Variants in CENPE observed in about 807,000 individuals in gnomAD.
CENPE encodes centromere-associated protein E.
Under a neutral mutation model 336.1 loss-of-function variants are expected in CENPE, and 145 were observed. The ratio of observed to expected loss-of-function variants is 0.43; its 90% CI spans 0.38 to 0.50. The LOEUF (loss-of-function observed/expected upper bound fraction) is 0.50. Among genes scored for constraint, CENPE ranks in the 20% least tolerant of loss-of-function variants. The pLI is 0.00. For synonymous variants in CENPE, 1,013 were observed against 984.8 expected (o/e 1.03, Z -0.54); for missense variants, 2,719 against 3,023.3 (o/e 0.90, Z 2.36).
intron 48 of CENPE, 34 bp downstream of exon 48, chr4:103,108,769 C>T: frequency 6.3e-7 from 1 of 1,583,402 alleles, no homozygotes; most frequent in Non-Finnish European, 8.6e-7. Flanking sequence ...AACTGTTACC[C>T]TCTGATTTCC....
At chr4:103,172,676 G>C (rs1001827003) in intron 16 of CENPE, among the ~76,000 whole-genome samples, 2 of 151,928 alleles carry the variant, frequency 1.3e-5, no homozygotes, top group Non-Finnish European at 2.9e-5. Context: ...TAGATGATAT[G>C]ATCCTATATA....
intron 46 of CENPE, among the ~76,000 whole-genome samples, chr4:103,112,523 C>T (rs1252570115): frequency 7.0e-6 from 1 of 142,080 alleles, no homozygotes; most frequent in East Asian, 2.0e-4. Context: ...TACACATATA[C>T]ATATACATAT....
chr4:103,132,186 T>C (rs73837644), intron 42 of CENPE, among the ~76,000 whole-genome samples: 6,637 of 152,084 alleles, frequency 0.044, 472 homozygotes, highest in African/African-American at 0.15. Flanking sequence ...ATAGGGGAGA[T>C]TGTGTTTGTG....
chr4:103,163,752 C>T (rs1205713237), intron 16 of CENPE, among the ~76,000 whole-genome samples, 199 bp from the exon 17 acceptor site: 1 of 149,534 alleles, frequency 6.7e-6, no homozygotes, highest in Non-Finnish European at 1.5e-5. Flanking sequence ...GAAATATCAC[C>T]CAAAACATAT....
rs1750131912 is a variant in CENPE, at chr4:103,116,603, C to T, written c.7416G>A (p.Met2472Ile). The change falls in exon 45 of 49, where the codon ATG (methionine) becomes ATA (isoleucine). Residue 2472 changes from methionine (M) to isoleucine (I), a missense_variant. Met to Ile is a conservative substitution (Grantham distance 10, BLOSUM62 1). Coordinates refer to ENST00000265148, the MANE Select transcript of CENPE (RefSeq NM_001813.3). ...MKLVKIDLEK[M>I]KNAKEFEKEI... ...CCTTTTCAAATTCTTTGGCATTTTT[C>T]ATTTTCTCTAGGTCTATTTTCACAA... is the stretch of plus-strand genomic sequence containing the variant. The T allele has an allele frequency of 6.4e-7, 1 of 1,567,668 alleles. No homozygotes were observed. Among genetic ancestry groups the T allele is most frequent in the Admixed American group, 1.9e-5 (1 of 52,810 alleles).
intron 16 of CENPE, among the ~76,000 whole-genome samples, chr4:103,173,924 T>C (rs1178040906): frequency 6.6e-6 from 1 of 151,854 alleles, no homozygotes; most frequent in African/African-American, 2.4e-5. Flanking sequence ...GGTAGGAATA[T>C]ATAGAAAACA....
chr4:103,163,036 C>T, intron 18 of CENPE, 101 bp downstream of exon 18: 1 of 893,002 alleles, frequency 1.1e-6, no homozygotes, highest in Middle Eastern at 3.4e-4. Flanking sequence ...TTTATTACAA[C>T]AATACACAGC....
In CENPE at chr4:103,147,535, C is replaced by T; in HGVS notation, c.3955G>A (p.Asp1319Asn). 1 of 1,614,000 alleles carries T rather than the reference C, an allele frequency of 6.2e-7. No homozygotes were observed. The highest frequency in any genetic ancestry group is 8.5e-7 in the Non-Finnish European group (1 of 1,180,022). Residue 1319 changes from aspartate (D) to asparagine (N), a missense_variant, in exon 29 of 49, where the codon GAC (aspartate) becomes AAC (asparagine). Transcript: ENST00000265148. The stretch of plus-strand genomic sequence containing the variant: ...TCTATTCTTGCCAGTGTTGTTGAGT[C>T]CTTGGTTGTGGACTGTTCTGTTAAT... ...ELLTEQSTTKDSTTLARIEME... is the reference protein window; with the variant it reads ...ELLTEQSTTKNSTTLARIEME...
Position 103,120,159 on chromosome 4 carries a change from G to C in CENPE, c.7318C>G (p.Gln2440Glu), listed in dbSNP as rs765636963. ...TATGTTTAAGTTACCTGAAGTACTT[G>C]AATTGTCTCTTTTGTTTTTTCAAGG... ...KCLEKTKETI[Q>E]VLQDKVALGA... The change falls in exon 44 of 49, where the codon CAA becomes GAA. Residue 2440 changes from glutamine (Q) to glutamate (E), a missense_variant. Physicochemically the swap from Gln to Glu is conservative, Grantham distance 29. Coordinates refer to ENST00000265148, the MANE Select transcript of CENPE (RefSeq NM_001813.3). 8 of 1,598,208 alleles carry C rather than the reference G, an allele frequency of 5.0e-6. No homozygotes were observed. Among genetic ancestry groups the C allele is most frequent in the Non-Finnish European group, 6.8e-6 (8 of 1,173,986 alleles).
rs1353271272 is a variant in CENPE at position 103,160,735 on chromosome 4, G to C, written c.2176C>G (p.Gln726Glu). 1 of 1,608,282 alleles carries C rather than the reference G, an allele frequency of 6.2e-7. No individual in the cohort carries two copies. Among genetic ancestry groups the C allele is most frequent in the East Asian group, 2.2e-5 (1 of 44,650 alleles). ...TCAACTTCTTTATTTAGTTCTTTCTGAAGATCAGTAATCTTTCCTTCCAAT... is the reference window on the plus strand; with the variant it reads ...TCAACTTCTTTATTTAGTTCTTTCTCAAGATCAGTAATCTTTCCTTCCAAT... The part of the protein sequence containing the change: ...LELEGKITDL[Q>E]KELNKEVEEN... Residue 726 changes from glutamine to glutamate, a missense_variant, in exon 21 of 49, where the codon CAG (glutamine) becomes GAG (glutamate). Gln to Glu is a conservative substitution (Grantham distance 29). Coordinates refer to ENST00000265148, the MANE Select transcript of CENPE (RefSeq NM_001813.3).
intron 16 of CENPE, 55 bp from the exon 17 acceptor site, chr4:103,163,608 C>CAAAAAAAAAAAAAAAAAACAAAAAA (rs11315612): frequency 3.6e-6 from 1 of 280,022 alleles, no homozygotes. Flanking sequence ...TAAAGCAAAG[C>CAAAAAAAAAAAAAAAAAACAAAAAA]AAAAAAAAAA....
At position 103,149,109 on chromosome 4, in the gene CENPE, A is replaced by G. The variant is rs570112987; in HGVS notation, c.3687+9T>C. ...CACTTAATAGATGAAGGAAAAGGGT[A>G]TAACTTACTGTAGCTTCAATTTCTC... On this transcript the variant is annotated intron_variant, in intron 27 of 48. Transcript: ENST00000265148. The G allele has an allele frequency of 3.8e-6, 6 of 1,585,254 alleles. No individual in the cohort carries two copies. In the East Asian group the frequency reaches 8.9e-5, roughly 24 times the overall value.
At chr4:103,109,618 C>G (rs533905132) in intron 47 of CENPE, among the ~76,000 whole-genome samples, 1 of 152,258 alleles carries the variant, frequency 6.6e-6, no homozygotes, top group South Asian at 2.1e-4. Context: ...TTTAAGTCAT[C>G]CAAGTCTCTT....
At chr4:103,161,014 C>A in intron 20 of CENPE, 72 bp downstream of exon 20, 1 of 1,263,802 alleles carries the variant, frequency 7.9e-7, no homozygotes, top group Non-Finnish European at 1.1e-6. Flanking sequence ...TTGAAATATG[C>A]TTGTCAAATT....
At position 103,120,422 on chromosome 4, in the gene CENPE, ATT is replaced by A. The variant is rs142583504; in HGVS notation, c.7144-91_7144-90del. On this transcript the variant is annotated intron_variant, in intron 43 of 48. Coordinates refer to ENST00000265148, the MANE Select transcript of CENPE (RefSeq NM_001813.3). The stretch of plus-strand genomic sequence containing the variant: ...GAGACAGAGATGATCATATTTAGAT[ATT>A]GTTAATTTTTCACAGATTGTATTAA... The A allele has an allele frequency of 1.5e-3, 1,719 of 1,112,526 alleles. 18 individuals are homozygous for A. In the African/African-American group the frequency reaches 0.024, roughly 16 times the overall value. 68.9% of individuals were successfully genotyped at this position (1,112,526 alleles called of 1,614,324 possible).
Position 103,143,420 on chromosome 4 carries a change from A to G in CENPE, c.5146-14T>C, listed in dbSNP as rs749393461. On this transcript the variant is annotated splice_polypyrimidine_tract_variant and intron_variant, in intron 33 of 48. Transcript: ENST00000265148. ...TTTTTCTAGGTCCTTTATCAATAGA[A>G]AAATAAAAATAATACATTGAGAGTA... 1.3e-6 allele frequency: 2 copies of G among 1,513,328 alleles called. No individual in the cohort carries two copies. The highest frequency in any genetic ancestry group is 1.8e-6 in the Non-Finnish European group (2 of 1,092,110). 93.7% of individuals were successfully genotyped at this position (1,513,328 alleles called of 1,614,324 possible). A position where few individuals can be genotyped will look rare whatever the true frequency, so the allele number is the denominator to read the frequency against.
chr4:103,161,195 G>A lies in CENPE; in HGVS notation c.2022C>T (p.Ser674=). The stretch of plus-strand genomic sequence containing the variant: ...GCATTTTCTTTTTTGCCTCCAACTG[G>A]CTTTGATATAACTGAATATCATTTT... ...QMENDIQLYQ[S]QLEAKKKMQV... Residue 674 remains serine, a synonymous_variant, in exon 20 of 49, where the codon AGC becomes AGT. Coordinates refer to ENST00000265148, the MANE Select transcript of CENPE (RefSeq NM_001813.3). 1 of 1,611,428 alleles carries A rather than the reference G, an allele frequency of 6.2e-7. No homozygotes were observed. Among genetic ancestry groups the A allele is most frequent in the South Asian group, 1.1e-5 (1 of 90,638 alleles).
chr4:103,175,142 T>C (rs1755748427), intron 15 of CENPE, among the ~76,000 whole-genome samples: 1 of 152,136 alleles, frequency 6.6e-6, no homozygotes, highest in East Asian at 1.9e-4. Context: ...CCATAAGTCC[T>C]CAAGCTCCTC....
chr4:103,140,460 GT>G, intron 36 of CENPE, 46 bp from the exon 37 acceptor site: 9 of 1,270,424 alleles, frequency 7.1e-6, no homozygotes, highest in Non-Finnish European at 9.7e-6. Flanking sequence ...ATAAAGGCAC[GT>G]TACCTTTACT....
Sources: gnomAD v4.1 joint callset for allele counts (sites outside exome capture counted in the v4.1 genomes callset) on GRCh38, gnomAD v4.1.1 for gene constraint, MANE v1.5 for transcripts, NCBI Gene and HGNC (gene_info 2026-07-23, HGNC 2026-07-21) for gene names.